Variants in ARHGEF26 observed in about 807,000 individuals in gnomAD.
The protein encoded by ARHGEF26 is Rho guanine nucleotide exchange factor (GEF) 26.
Under a neutral mutation model 89.4 loss-of-function variants are expected in ARHGEF26, and 59 were observed. That is an observed-to-expected ratio of 0.66 (90% CI 0.54 to 0.82). The LOEUF is 0.82. ARHGEF26 is among the 40% of genes least tolerant of loss of function. ARHGEF26 has a pLI of 0.00. For missense variants in ARHGEF26, 1,234 were observed against 1,085.6 expected, an observed-to-expected ratio of 1.14 and a Z score of -1.92; for synonymous variants, 500 against 428.4, an observed-to-expected ratio of 1.17 and a Z score of -2.06.
rs1236989063 is a variant in ARHGEF26, at chr3:154,129,624, T to C, written c.1174T>C (p.Ser392Pro). 6.2e-7 allele frequency: 1 copy of C among 1,611,854 alleles called. No homozygotes were observed. The highest frequency in any genetic ancestry group is 1.7e-5 in the Admixed American group (1 of 59,716). Residue 392 changes from serine to proline, a missense_variant, in exon 4 of 15, where the codon TCT becomes CCT. Transcript: ENST00000465093. The part of the protein sequence containing the change: ...NYKEKALDID[S>P]DEESEPKEQK... ...CAAGGAAAAGGCCCTTGACATTGATTCTGATGAAGAGTCAGAGCCCAAAGA... is the reference window on the plus strand; with the variant it reads ...CAAGGAAAAGGCCCTTGACATTGATCCTGATGAAGAGTCAGAGCCCAAAGA...
intron 4 of ARHGEF26, among the ~76,000 whole-genome samples, chr3:154,148,768 C>A (rs901597493): frequency 6.6e-6 from 1 of 152,160 alleles, no homozygotes; most frequent in East Asian, 1.9e-4. Flanking sequence ...TCTGGCCAGT[C>A]TCCTCCCTTA....
intron 10 of ARHGEF26, among the ~76,000 whole-genome samples, chr3:154,221,269 T>A (rs946240298): frequency 3.9e-5 from 6 of 152,210 alleles, no homozygotes; most frequent in African/African-American, 1.4e-4. Flanking sequence ...AATTGAAGAT[T>A]AGCAGATAAA....
intron 2 of ARHGEF26, 137 bp downstream of exon 2, chr3:154,123,212 T>C: frequency 7.6e-7 from 1 of 1,309,618 alleles, no homozygotes; most frequent in Admixed American, 2.4e-5. Context: ...ATTGCTAGTG[T>C]ACATCCAGCT....
intron 9 of ARHGEF26, among the ~76,000 whole-genome samples, chr3:154,215,837 C>T (rs995189105): frequency 1.3e-5 from 2 of 151,906 alleles, no homozygotes; most frequent in Non-Finnish European, 2.9e-5. Context: ...CACATTGCCT[C>T]GTAATATTAT....
chr3:154,224,040 A>G (rs1447975476), intron 10 of ARHGEF26, among the ~76,000 whole-genome samples: 1 of 151,884 alleles, frequency 6.6e-6, no homozygotes, highest in Non-Finnish European at 1.5e-5. Flanking sequence ...TTAGGATAGT[A>G]TTTCAGTACT....
At chr3:154,159,136 GA>G (rs1262653526) in intron 6 of ARHGEF26, among the ~76,000 whole-genome samples, 3 of 152,154 alleles carry the variant, frequency 2.0e-5, no homozygotes, top group East Asian at 3.9e-4. Context: ...TTCATAAAAA[GA>G]TGGGTTTTTA....
chr3:154,196,025 A>G (rs760526919), intron 9 of ARHGEF26, among the ~76,000 whole-genome samples: 6 of 150,344 alleles, frequency 4.0e-5, no homozygotes, highest in Non-Finnish European at 7.4e-5. Context: ...ACTCTGTTGA[A>G]TGCTTCTGAA....
chr3:154,127,382 A>AT (rs993332168), intron 3 of ARHGEF26, among the ~76,000 whole-genome samples: 3 of 152,038 alleles, frequency 2.0e-5, no homozygotes, highest in African/African-American at 7.2e-5. Flanking sequence ...AAAAATTTTC[A>AT]TTTTTACTTT....
intron 7 of ARHGEF26, 87 bp from the exon 8 acceptor site, chr3:154,191,202 T>G (rs1220648720): frequency 7.2e-7 from 1 of 1,380,264 alleles, no homozygotes; most frequent in Non-Finnish European, 9.8e-7. Flanking sequence ...TATGGATTTA[T>G]CACAGTATTT....
Position 154,229,613 on chromosome 3 carries a change from C to G in ARHGEF26, c.2090+3603C>G, listed in dbSNP as rs1408808971. On this transcript the variant is annotated intron_variant, in intron 11 of 14. Coordinates refer to ENST00000465093, the MANE Select transcript of ARHGEF26 (RefSeq NM_015595.4). The stretch of plus-strand genomic sequence containing the variant: ...ATGTTTCTTTGTTGTAGAGGACTGT[C>G]CTGTGCAATAATGTAGGATGTTTTA... 2.0e-5 allele frequency among the ~76,000 whole-genome samples: 3 copies of G among 152,146 alleles called. No homozygotes were observed. The South Asian group carries it at 6.2e-4, about 32-fold the overall frequency.
chr3:154,176,212 T>C (rs1712807696), intron 6 of ARHGEF26, among the ~76,000 whole-genome samples: 1 of 152,224 alleles, frequency 6.6e-6, no homozygotes, highest in Non-Finnish European at 1.5e-5. Flanking sequence ...GCAGTTTCTT[T>C]AGTATTTTTC....
intron 12 of ARHGEF26, among the ~76,000 whole-genome samples, chr3:154,241,964 T>C (rs1717506318): frequency 6.6e-6 from 1 of 152,204 alleles, no homozygotes; most frequent in Non-Finnish European, 1.5e-5. Flanking sequence ...TAGGAGAAGG[T>C]ACAGAAATCT....
At chr3:154,191,023 G>A (rs1381240533) in intron 7 of ARHGEF26, among the ~76,000 whole-genome samples, 1 of 152,092 alleles carries the variant, frequency 6.6e-6, no homozygotes, top group Non-Finnish European at 1.5e-5. Context: ...CCTTCCACTT[G>A]TATAAATTTC....
At chr3:154,124,113 A>AAACT (rs1227796382) in intron 2 of ARHGEF26, among the ~76,000 whole-genome samples, 3 of 152,200 alleles carry the variant, frequency 2.0e-5, no homozygotes, top group African/African-American at 7.2e-5. Context: ...TTTAACAGTG[A>AAACT]TGGTGAATCA....
chr3:154,256,121 A>G lies in ARHGEF26; in HGVS notation c.*648A>G. 3 of 985,408 alleles carry G rather than the reference A, an allele frequency of 3.0e-6. No individual in the cohort carries two copies. The highest frequency in any genetic ancestry group is 3.6e-6 in the Non-Finnish European group (3 of 829,564). The allele number at this position is 985,408 out of a possible 1,614,324, so 61.0% of individuals were successfully genotyped here. On this transcript the variant is annotated 3_prime_UTR_variant, in exon 15 of 15. Coordinates refer to ENST00000465093, the MANE Select transcript of ARHGEF26 (RefSeq NM_015595.4). ...CTTTAGGATTTTTAAAAAAAAATCC[A>G]TCTCACCCCATATTGTTCTTAAATA... is the stretch of plus-strand genomic sequence containing the variant.
At chr3:154,211,859 A>G (rs1031688547) in intron 9 of ARHGEF26, among the ~76,000 whole-genome samples, 12 of 71,440 alleles carry the variant, frequency 1.7e-4, no homozygotes, top group East Asian at 4.2e-4. Flanking sequence ...GTGTGTGTGT[A>G]TATATATATG....
intron 11 of ARHGEF26, among the ~76,000 whole-genome samples, chr3:154,237,401 G>C (rs2108277552): frequency 6.6e-6 from 1 of 152,110 alleles, no homozygotes; most frequent in Non-Finnish European, 1.5e-5. Flanking sequence ...AATTAACCAG[G>C]CATGGTGGTG....
rs528870486 is a variant in ARHGEF26 at position 154,221,957 on chromosome 3, A to G, written c.1936-3899A>G. Among the ~76,000 whole-genome samples, 3 of 152,344 alleles carry G rather than the reference A, an allele frequency of 2.0e-5. No homozygotes were observed. In the South Asian group the frequency reaches 6.2e-4, roughly 32 times the overall value. ...TGGTATGGCCATAGGTGCTACTACT[A>G]TGAGAATATTGGTTGCAAATTTACT... On this transcript the variant is annotated intron_variant, in intron 10 of 14. Coordinates refer to ENST00000465093, the MANE Select transcript of ARHGEF26 (RefSeq NM_015595.4).
intron 11 of ARHGEF26, among the ~76,000 whole-genome samples, chr3:154,226,895 G>A (rs1199867933): frequency 1.3e-5 from 2 of 152,126 alleles, no homozygotes; most frequent in Non-Finnish European, 2.9e-5. Context: ...GGGTGGTCCT[G>A]GGGTGCAATT....
Sources: allele counts gnomAD v4.1 joint callset (sites outside exome capture counted in the v4.1 genomes callset), GRCh38; gene constraint gnomAD v4.1.1; transcripts MANE v1.5; gene names NCBI Gene and HGNC (gene_info 2026-07-23, HGNC 2026-07-21).